The following NRG1 variants were observed in gnomAD, a reference collection of about 807,000 sequenced individuals.
The protein encoded by NRG1 is pro-neuregulin-1, membrane-bound isoform.
NRG1 carries 18 observed loss-of-function variants against 63.8 expected under a neutral mutation model. The ratio of observed to expected loss-of-function variants is 0.28; its 90% CI spans 0.19 to 0.42. The LOEUF is 0.42. Ranked by LOEUF, NRG1 falls within the 10% of genes least tolerant of loss-of-function variation. NRG1 has a pLI of 1.00. For missense variants in NRG1, 762 were observed against 814.7 expected (o/e 0.94, Z 0.79); for synonymous variants, 302 against 301.3 (o/e 1.00, Z -0.02).
intron 1 of NRG1, among the ~76,000 whole-genome samples, chr8:32,019,331 A>G (rs1816076289): frequency 6.6e-6 from 1 of 152,148 alleles, no homozygotes; most frequent in South Asian, 2.1e-4. Context: ...ATCTCCTGAC[A>G]TCATGATCTG....
At chr8:32,393,451 C>CT (rs1812036999) in intron 1 of NRG1, among the ~76,000 whole-genome samples, 1 of 152,140 alleles carries the variant, frequency 6.6e-6, no homozygotes, top group African/African-American at 2.4e-5. Flanking sequence ...CATTGCAGCA[C>CT]TGTTCACAAT....
chr8:32,007,748 T>C (rs1267936589), intron 1 of NRG1, among the ~76,000 whole-genome samples: 1 of 152,026 alleles, frequency 6.6e-6, no homozygotes. Flanking sequence ...ATTCACAGCC[T>C]CTGTGTTTTC....
intron 1 of NRG1, among the ~76,000 whole-genome samples, chr8:31,984,000 A>G (rs191249138): frequency 3.0e-4 from 45 of 152,216 alleles, no homozygotes; most frequent in Non-Finnish European, 5.6e-4. Context: ...AAAGGCTGTC[A>G]AAGTGGGCAG....
chr8:32,109,670 T>A (rs531446488), intron 1 of NRG1, among the ~76,000 whole-genome samples: 1 of 152,160 alleles, frequency 6.6e-6, no homozygotes, highest in East Asian at 1.9e-4. Context: ...CTAGATAGAT[T>A]CCCTGAAGCT....
At chr8:32,055,948 A>T (rs770775144) in intron 1 of NRG1, among the ~76,000 whole-genome samples, 2 of 152,196 alleles carry the variant, frequency 1.3e-5, no homozygotes, top group Non-Finnish European at 2.9e-5. Flanking sequence ...CATAGTTCAC[A>T]TATTGTATTA....
chr8:32,650,953 C>T (rs1052224559), intron 5 of NRG1, among the ~76,000 whole-genome samples: 10 of 152,030 alleles, frequency 6.6e-5, no homozygotes, highest in African/African-American at 2.4e-4. Context: ...CTAATTGATT[C>T]TTCTTTATCC....
intron 1 of NRG1, among the ~76,000 whole-genome samples, chr8:32,051,817 G>C (rs1822024742): frequency 6.6e-6 from 1 of 152,120 alleles, no homozygotes; most frequent in Non-Finnish European, 1.5e-5. Context: ...CACATGAGCT[G>C]GTTTGTGACC....
chr8:32,353,070 C>T (rs1328314946), intron 1 of NRG1, among the ~76,000 whole-genome samples: 1 of 150,298 alleles, frequency 6.7e-6, no homozygotes, highest in African/African-American at 2.4e-5. Flanking sequence ...TTACAAATTT[C>T]TGAAATGGAC....
intron 1 of NRG1, among the ~76,000 whole-genome samples, chr8:32,049,367 T>C (rs1441929035): frequency 1.3e-5 from 2 of 152,188 alleles, no homozygotes; most frequent in Non-Finnish European, 2.9e-5. Flanking sequence ...GTAAGATTTC[T>C]GCCCTTTCAG....
At chr8:31,665,704 A>G (rs1038435470) in intron 1 of NRG1, among the ~76,000 whole-genome samples, 1 of 152,184 alleles carries the variant, frequency 6.6e-6, no homozygotes, top group Non-Finnish European at 1.5e-5. Flanking sequence ...AGAAAAGCAT[A>G]GGCTTTATTT....
Position 31,829,064 on chromosome 8 carries a change from C to T in NRG1, c.37+189633C>T, listed in dbSNP as rs149920749. ...ATGAATGCTAGTCTCATGCTTTCCA[C>T]GTAAACCCTGCTTTTGGGAATCAAG... On this transcript the variant is annotated intron_variant, in intron 1 of 10. Transcript: ENST00000519301. Among the ~76,000 whole-genome samples the T allele has an allele frequency of 5.9e-5, 9 of 152,300 alleles. No individual in the cohort carries two copies. In the East Asian group the frequency reaches 9.7e-4, roughly 16 times the overall value.
At chr8:32,098,209 A>G (rs1224848251) in intron 1 of NRG1, among the ~76,000 whole-genome samples, 2 of 152,212 alleles carry the variant, frequency 1.3e-5, no homozygotes, top group Non-Finnish European at 2.9e-5. Flanking sequence ...AAGAACTTCC[A>G]TTGCATTTGG....
At chr8:32,439,324 T>A (rs1410783404) in intron 1 of NRG1, among the ~76,000 whole-genome samples, 1 of 152,192 alleles carries the variant, frequency 6.6e-6, no homozygotes, top group African/African-American at 2.4e-5. Flanking sequence ...AATTTGTCAT[T>A]TCTTTGCTTC....
At chr8:32,693,012 C>T (rs537469435) in intron 5 of NRG1, among the ~76,000 whole-genome samples, 4 of 152,240 alleles carry the variant, frequency 2.6e-5, no homozygotes, top group South Asian at 2.1e-4. Flanking sequence ...GCCACATCAC[C>T]GAATGCCTTT....
intron 5 of NRG1, among the ~76,000 whole-genome samples, chr8:32,705,049 G>C (rs565523947): frequency 6.6e-6 from 1 of 152,076 alleles, no homozygotes; most frequent in South Asian, 2.1e-4. Flanking sequence ...AATGCTCTTT[G>C]GTAGCCACTT....
intron 1 of NRG1, among the ~76,000 whole-genome samples, chr8:32,134,128 C>T (rs1041807291): frequency 2.0e-5 from 3 of 152,140 alleles, no homozygotes; most frequent in African/African-American, 7.2e-5. Flanking sequence ...CTGCCCTGCT[C>T]ACTGTCAAAA....
At chr8:32,078,242 G>T (rs573761973) in intron 1 of NRG1, among the ~76,000 whole-genome samples, 84 of 152,110 alleles carry the variant, frequency 5.5e-4, no homozygotes, top group Non-Finnish European at 1.1e-3. Flanking sequence ...GTTAGTTCAT[G>T]CAAGAATTGA....
At chr8:31,757,342 G>C (rs1200491120) in intron 1 of NRG1, among the ~76,000 whole-genome samples, 2 of 151,964 alleles carry the variant, frequency 1.3e-5, no homozygotes, top group African/African-American at 4.8e-5. Flanking sequence ...AGCTATTCTT[G>C]GCTTTCACAA....
chr8:32,595,904 C>G, exon 2 of NRG1: 1 of 1,613,752 alleles, frequency 6.2e-7, no homozygotes, highest in Non-Finnish European at 8.5e-7. Context: ...GGTGTGAAAC[C>G]AGTTCTGAAT....
Sources: gnomAD v4.1 joint callset for allele counts (sites outside exome capture counted in the v4.1 genomes callset) on GRCh38, gnomAD v4.1.1 for gene constraint, MANE v1.5 for transcripts, NCBI Gene and HGNC (gene_info 2026-07-23, HGNC 2026-07-21) for gene names.